The following CXCL13 variants were observed in gnomAD, a reference collection of about 807,000 sequenced individuals.
The protein encoded by CXCL13 is C-X-C motif chemokine ligand 13, also known as C-X-C motif chemokine 13.
CXCL13 carries 7 observed loss-of-function variants against 12.2 expected under a neutral mutation model. The observed-to-expected ratio is 0.57, with a 90% CI of 0.33 to 1.07. CXCL13 has a LOEUF of 1.07. Ranked by LOEUF, CXCL13 falls within the 50% of genes least tolerant of loss-of-function variation. CXCL13 has a pLI of 0.04. For synonymous variants in CXCL13, 47 were observed against 42.4 expected (o/e 1.11, Z -0.42); for missense variants, 113 against 127.4 (o/e 0.89, Z 0.55).
intron 2 of CXCL13, among the ~76,000 whole-genome samples, chr4:77,609,508 G>A (rs955972042): frequency 6.6e-6 from 1 of 151,786 alleles, no homozygotes; most frequent in African/African-American, 2.4e-5. Flanking sequence ...CTGTAGAGAT[G>A]GGGTCTCATT....
At chr4:77,610,753 C>A in intron 3 of CXCL13, 59 bp downstream of exon 3, 1 of 1,315,686 alleles carries the variant, frequency 7.6e-7, no homozygotes, top group East Asian at 2.3e-5. Flanking sequence ...GTTTCCCTTT[C>A]CTGGGCAGTC....
chr4:77,579,800 C>A (rs940610858), intron 1 of CXCL13, among the ~76,000 whole-genome samples: 1 of 152,160 alleles, frequency 6.6e-6, no homozygotes, highest in African/African-American at 2.4e-5. Context: ...AAGCAAATAA[C>A]CCCAAATGTG....
intron 1 of CXCL13, among the ~76,000 whole-genome samples, chr4:77,545,462 C>T (rs1214327076): frequency 6.6e-6 from 1 of 152,158 alleles, no homozygotes; most frequent in Non-Finnish European, 1.5e-5. Context: ...AGGTCCTTCA[C>T]ATCCCTTATA....
chr4:77,554,785 A>T (rs1409554036), intron 1 of CXCL13, among the ~76,000 whole-genome samples: 1 of 152,136 alleles, frequency 6.6e-6, no homozygotes, highest in Non-Finnish European at 1.5e-5. Flanking sequence ...TTAATAACAG[A>T]TATTGAAAAA....
chr4:77,516,168 A>G (rs1283396235), intron 1 of CXCL13, among the ~76,000 whole-genome samples: 7 of 152,296 alleles, frequency 4.6e-5, no homozygotes, highest in South Asian at 2.1e-4. Flanking sequence ...CCACTTGATC[A>G]TGGTGGATAA....
At chr4:77,546,681 A>C (rs1374498773) in intron 1 of CXCL13, among the ~76,000 whole-genome samples, 1 of 152,086 alleles carries the variant, frequency 6.6e-6, no homozygotes, top group Non-Finnish European at 1.5e-5. Context: ...TGATCTTTTC[A>C]AAAAACCAGC....
intron 1 of CXCL13, among the ~76,000 whole-genome samples, chr4:77,534,140 T>A (rs1194074586): frequency 6.6e-6 from 1 of 152,192 alleles, no homozygotes; most frequent in Non-Finnish European, 1.5e-5. Flanking sequence ...CTGGGAGCTG[T>A]AGACTGGAGT....
chr4:77,543,986 G>C (rs1160063150), intron 1 of CXCL13, among the ~76,000 whole-genome samples: 1 of 152,128 alleles, frequency 6.6e-6, no homozygotes, highest in Admixed American at 6.6e-5. Flanking sequence ...CTATGAGTGA[G>C]AACATATGGT....
At chr4:77,545,959 G>C (rs902906129) in intron 1 of CXCL13, among the ~76,000 whole-genome samples, 3 of 152,090 alleles carry the variant, frequency 2.0e-5, no homozygotes, top group African/African-American at 7.2e-5. Flanking sequence ...TAGAGCGAAG[G>C]GCTGTTGAAT....
upstream of CXCL13, among the ~76,000 whole-genome samples, chr4:77,603,827 A>T (rs1336671353): frequency 6.6e-6 from 1 of 152,228 alleles, no homozygotes; most frequent in African/African-American, 2.4e-5. Flanking sequence ...TTTATTGAAT[A>T]CATTCTACAT....
At chr4:77,578,702 C>T (rs1242507074) in intron 1 of CXCL13, among the ~76,000 whole-genome samples, 1 of 152,150 alleles carries the variant, frequency 6.6e-6, no homozygotes, top group African/African-American at 2.4e-5. Context: ...AAGTTCAACC[C>T]TACCCACCCT....
chr4:77,521,288 A>G (rs1724591352), intron 1 of CXCL13, among the ~76,000 whole-genome samples: 1 of 152,232 alleles, frequency 6.6e-6, no homozygotes, highest in Non-Finnish European at 1.5e-5. Context: ...TCCAGAAGGA[A>G]TGGTACCAGC....
At chr4:77,517,743 G>C (rs569255872) in intron 1 of CXCL13, among the ~76,000 whole-genome samples, 537 of 152,170 alleles carry the variant, frequency 3.5e-3, no homozygotes, top group Non-Finnish European at 6.0e-3. Context: ...CACACTGATG[G>C]GTCTTGACTC....
At chr4:77,534,211 A>T (rs1373226132) in intron 1 of CXCL13, among the ~76,000 whole-genome samples, 1 of 152,148 alleles carries the variant, frequency 6.6e-6, no homozygotes, top group Non-Finnish European at 1.5e-5. Context: ...AACAAAAGAC[A>T]TGCAACTACC....
intron 1 of CXCL13, among the ~76,000 whole-genome samples, chr4:77,588,105 A>AT (rs11394948): frequency 0.089 from 13,514 of 151,584 alleles, 1,664 homozygotes; most frequent in African/African-American, 0.28. Context: ...CATATCTTGA[A>AT]TTTTTTTCTT....
intron 1 of CXCL13, among the ~76,000 whole-genome samples, chr4:77,516,478 T>C (rs200093376): frequency 6.6e-6 from 1 of 152,250 alleles, no homozygotes; most frequent in South Asian, 2.1e-4. Context: ...ATTGCCACAA[T>C]TTCAGCTCCT....
upstream of CXCL13, chr4:77,605,773 G>A (rs769115868): frequency 6.4e-6 from 4 of 624,840 alleles, no homozygotes; most frequent in Admixed American, 2.8e-5. Context: ...GCAGTGGGAG[G>A]GCCCTTACTG....
rs555266838 is a variant in CXCL13 at position 77,576,513 on chromosome 4, G to A, written c.-42-29311G>A. On this transcript the variant is annotated intron_variant, in intron 1 of 4. Transcript: ENST00000286758. ...TGCAAAGCTGATAAAAGCCCCTTGGGAAAATTGGCCTCATACCTTGTTTAC... is the reference window on the plus strand; with the variant it reads ...TGCAAAGCTGATAAAAGCCCCTTGGAAAAATTGGCCTCATACCTTGTTTAC... Among the ~76,000 whole-genome samples the A allele has an allele frequency of 1.7e-3, 264 of 152,280 alleles. 2 individuals are homozygous for A. The highest frequency in any genetic ancestry group is 6.2e-3 in the African/African-American group (256 of 41,550).
chr4:77,600,962 A>G (rs1726867911), upstream of CXCL13, among the ~76,000 whole-genome samples: 1 of 152,198 alleles, frequency 6.6e-6, no homozygotes, highest in African/African-American at 2.4e-5. Context: ...TTGAATGTTG[A>G]AATAATGCAA....
Sources: allele counts gnomAD v4.1 joint callset (sites outside exome capture counted in the v4.1 genomes callset), GRCh38; gene constraint gnomAD v4.1.1; transcripts MANE v1.5; gene names NCBI Gene and HGNC (gene_info 2026-07-23, HGNC 2026-07-21).